The following CFAP61 variants were observed in gnomAD, a reference collection of about 807,000 sequenced individuals.
CFAP61 encodes the protein cilia- and flagella-associated protein 61.
A neutral mutation model predicts 135.6 loss-of-function variants in CFAP61; 107 were observed. The ratio of observed to expected loss-of-function variants is 0.79; its 90% CI spans 0.67 to 0.93. The LOEUF (loss-of-function observed/expected upper bound fraction) is 0.93. Ranked by LOEUF, CFAP61 falls within the 40% of genes least tolerant of loss-of-function variation. The pLI is 0.00. For missense variants in CFAP61, 1,507 were observed against 1,556.2 expected (o/e 0.97, Z 0.53); for synonymous variants, 575 against 578.5 (o/e 0.99, Z 0.09).
intron 25 of CFAP61, among the ~76,000 whole-genome samples, chr20:20,327,255 T>C (rs979087838): frequency 1.3e-5 from 2 of 152,214 alleles, no homozygotes; most frequent in African/African-American, 4.8e-5. Flanking sequence ...TTTTTCTTAT[T>C]TTATTGAATT....
intron 21 of CFAP61, among the ~76,000 whole-genome samples, chr20:20,274,414 A>G (rs1227442979): frequency 6.6e-6 from 1 of 152,248 alleles, no homozygotes; most frequent in East Asian, 1.9e-4. Flanking sequence ...TAATCCCAGC[A>G]CTTTGGGAAG....
rs533930066 is a variant in CFAP61, at chr20:20,201,741, G to A, written c.1932+1839G>A. ...ATAGAAGTACATGGATGTGCCAGGCGTACAACCTTGCAGCTTCCGTATCAG... is the reference window on the plus strand; with the variant it reads ...ATAGAAGTACATGGATGTGCCAGGCATACAACCTTGCAGCTTCCGTATCAG... On this transcript the variant is annotated intron_variant, in intron 17 of 26. Transcript: ENST00000245957. Among the ~76,000 whole-genome samples, 10 of 152,344 alleles carry A rather than the reference G, an allele frequency of 6.6e-5. No individual in the cohort carries two copies. The South Asian group carries it at 1.7e-3, about 25-fold the overall frequency.
chr20:20,203,393 A>G (rs2056718095), intron 17 of CFAP61, among the ~76,000 whole-genome samples: 1 of 152,088 alleles, frequency 6.6e-6, no homozygotes, highest in African/African-American at 2.4e-5. Context: ...TAGGAGAGTT[A>G]CTCTCATGGA....
At chr20:20,235,785 GA>G (rs1224576417) in intron 18 of CFAP61, among the ~76,000 whole-genome samples, 1 of 152,204 alleles carries the variant, frequency 6.6e-6, no homozygotes, top group Non-Finnish European at 1.5e-5. Flanking sequence ...ATTTGGAAGG[GA>G]AGCCCAGAAA....
chr20:20,337,499 T>G, intron 25 of CFAP61, among the ~76,000 whole-genome samples: 1 of 98,948 alleles, frequency 1.0e-5, no homozygotes, highest in South Asian at 3.2e-4. Flanking sequence ...GATAGATGGG[T>G]GGATGGATAA....
chr20:20,052,847 C>T, intron 1 of CFAP61: 3 of 892,710 alleles, frequency 3.4e-6, no homozygotes, highest in South Asian at 1.7e-5. Context: ...GCTGCAATGC[C>T]TCGAGCATTG....
chr20:20,125,131 T>C (rs1312549106), intron 8 of CFAP61, among the ~76,000 whole-genome samples: 1 of 151,870 alleles, frequency 6.6e-6, no homozygotes, highest in Non-Finnish European at 1.5e-5. Flanking sequence ...TTAATCTTGC[T>C]AATGGTCTGT....
chr20:20,287,206 G>A (rs892832628), intron 22 of CFAP61, among the ~76,000 whole-genome samples: 1 of 152,088 alleles, frequency 6.6e-6, no homozygotes, highest in African/African-American at 2.4e-5. Flanking sequence ...AAAAGAAAAA[G>A]ACTTGAAAGA....
chr20:20,268,733 C>T (rs2147024359), intron 21 of CFAP61, among the ~76,000 whole-genome samples: 1 of 152,018 alleles, frequency 6.6e-6, no homozygotes. Flanking sequence ...CCCAGCAACC[C>T]GATACATTAT....
chr20:20,230,646 C>G (rs921057372), intron 18 of CFAP61, among the ~76,000 whole-genome samples: 5 of 152,136 alleles, frequency 3.3e-5, no homozygotes, highest in Admixed American at 2.6e-4. Flanking sequence ...TCCGCCTCCC[C>G]CCAGGTTCAA....
intron 6 of CFAP61, among the ~76,000 whole-genome samples, chr20:20,082,574 C>T (rs2046506631): frequency 1.3e-5 from 2 of 152,248 alleles, no homozygotes; most frequent in South Asian, 4.1e-4. Flanking sequence ...GGGGGAAAAC[C>T]TGTCTTTTTC....
At chr20:20,290,698 C>G (rs549160200) in intron 24 of CFAP61, among the ~76,000 whole-genome samples, 2 of 152,354 alleles carry the variant, frequency 1.3e-5, no homozygotes, top group East Asian at 3.9e-4. Flanking sequence ...TTGCACACTT[C>G]TAGATGACTT....
chr20:20,331,452 A>G (rs1438099150), intron 25 of CFAP61, among the ~76,000 whole-genome samples: 2 of 151,338 alleles, frequency 1.3e-5, no homozygotes. Context: ...GGAACACATT[A>G]ATTAGAAAAG....
At chr20:20,295,528 C>T (rs539678880) in intron 24 of CFAP61, among the ~76,000 whole-genome samples, 9 of 152,232 alleles carry the variant, frequency 5.9e-5, no homozygotes, top group African/African-American at 1.7e-4. Flanking sequence ...CTTACTGTGA[C>T]GGGGACATGT....
chr20:20,199,672 G>T, intron 16 of CFAP61, 96 bp from the exon 17 acceptor site: 3 of 1,371,372 alleles, frequency 2.2e-6, no homozygotes, highest in South Asian at 3.0e-5. Context: ...TGACTTGGCC[G>T]AGTTAAGAGT....
At chr20:20,354,502 C>CA (rs112245982) in intron 26 of CFAP61, among the ~76,000 whole-genome samples, 73,638 of 133,716 alleles carry the variant, frequency 0.55, 21,153 homozygotes, top group East Asian at 0.81. Flanking sequence ...GACCTTGTCT[C>CA]AAAAAAAAAA....
At chr20:20,314,195 G>A (rs1199618943) in intron 25 of CFAP61, among the ~76,000 whole-genome samples, 1 of 130,878 alleles carries the variant, frequency 7.6e-6, no homozygotes, top group Non-Finnish European at 1.5e-5. Flanking sequence ...AGGAGCCTGG[G>A]CAACATAGTG....
intron 20 of CFAP61, among the ~76,000 whole-genome samples, chr20:20,260,665 T>C (rs775193093): frequency 5.9e-5 from 9 of 152,240 alleles, no homozygotes; most frequent in Non-Finnish European, 1.0e-4. Context: ...TTGGACCTTA[T>C]TCTTTTTTCT....
At chr20:20,324,698 G>A (rs1023622296) in intron 25 of CFAP61, among the ~76,000 whole-genome samples, 2 of 152,166 alleles carry the variant, frequency 1.3e-5, no homozygotes, top group Non-Finnish European at 1.5e-5. Flanking sequence ...GGACAGAAGA[G>A]AGCTTTTTTC....
Sources: gnomAD v4.1 joint callset for allele counts (sites outside exome capture counted in the v4.1 genomes callset) on GRCh38, gnomAD v4.1.1 for gene constraint, MANE v1.5 for transcripts, NCBI Gene and HGNC (gene_info 2026-07-23, HGNC 2026-07-21) for gene names.